WDR25: variants seen among roughly 807,000 people sequenced by gnomAD.
WDR25 encodes the protein WD repeat domain 25.
In WDR25, 35 loss-of-function variants were observed where a neutral mutation model predicts 47.7. The observed-to-expected ratio is 0.73, with a 90% CI of 0.56 to 0.97. The LOEUF (loss-of-function observed/expected upper bound fraction) is 0.97, where lower values mean the gene tolerates loss of function less well. Ranked by LOEUF, WDR25 falls within the 50% of genes least tolerant of loss-of-function variation. The pLI is 0.00. For synonymous variants in WDR25, 248 were observed against 278.9 expected (o/e 0.89, Z 1.10); for missense variants, 634 against 704.7 (o/e 0.90, Z 1.14).
rs1900850292 is a variant in WDR25, at chr14:100,499,664, G to A, written c.1101+15540G>A. 6.6e-6 allele frequency among the ~76,000 whole-genome samples: 1 copy of A among 152,098 alleles called. No homozygotes were observed. The highest frequency in any genetic ancestry group is 2.1e-4 in the South Asian group (1 of 4,830). ...GGCTGAGGGAGCAGGGTGGGTATAG[G>A]GAAGAAAGCCACCTCCTTCTTGAGA... is the stretch of plus-strand genomic sequence containing the variant. On this transcript the variant is annotated intron_variant, in intron 4 of 6. Transcript: ENST00000402312. This position sits in a 1 kb window ranked among gnomAD's most constrained non-coding sequence, Gnocchi z 4.4.
intron 2 of WDR25, among the ~76,000 whole-genome samples, chr14:100,416,199 T>C (rs185601849): frequency 1.2e-4 from 18 of 152,348 alleles, no homozygotes; most frequent in Admixed American, 1.1e-3. Context: ...GTTTGGTTTC[T>C]CCCTGTGAAG....
In WDR25 at chr14:100,507,224, G is replaced by C. The variant is rs985458260; in HGVS notation, c.1102-18646G>C. ...AAGATCAGATGGCTGCAGGTGTGCAGCTTTATTCTGGGTTCTCTATTCTGT... is the reference window on the plus strand; with the variant it reads ...AAGATCAGATGGCTGCAGGTGTGCACCTTTATTCTGGGTTCTCTATTCTGT... On this transcript the variant is annotated intron_variant, in intron 4 of 6. Transcript: ENST00000402312. 1.4e-4 allele frequency among the ~76,000 whole-genome samples: 21 copies of C among 152,268 alleles called. 1 individual carries two copies. The highest frequency in any genetic ancestry group is 5.1e-4 in the African/African-American group (21 of 41,564).
chr14:100,423,266 C>G (rs1898076649), intron 2 of WDR25, among the ~76,000 whole-genome samples: 1 of 152,148 alleles, frequency 6.6e-6, no homozygotes, highest in African/African-American at 2.4e-5. Flanking sequence ...CCAGCCTGAT[C>G]TCCCCTGTTA....
rs532973179 is a variant in WDR25, at chr14:100,425,284, G to A, written c.823-42737G>A. 6.6e-6 allele frequency among the ~76,000 whole-genome samples: 1 copy of A among 152,290 alleles called. No individual in the cohort carries two copies. Among genetic ancestry groups the A allele is most frequent in the East Asian group, 1.9e-4 (1 of 5,182 alleles). On this transcript the variant is annotated intron_variant, in intron 2 of 6. Transcript: ENST00000402312. The surrounding 1 kb of genome is among the most constrained non-coding windows in gnomAD (Gnocchi z 4.8). ...ATGTGCACATCCTGTCACCCCATGG[G>A]CCTAAGCTGTAACGGGGCAGGGCTG...
chr14:100,380,860 A>T, intron 1 of WDR25, 50 bp from the exon 2 acceptor site: 1 of 1,496,920 alleles, frequency 6.7e-7, no homozygotes, highest in Non-Finnish European at 9.1e-7. Flanking sequence ...ATAACTACAT[A>T]CATATTCTTC....
chr14:100,414,606 C>G (rs1005740117), intron 2 of WDR25, among the ~76,000 whole-genome samples: 1 of 152,142 alleles, frequency 6.6e-6, no homozygotes, highest in Non-Finnish European at 1.5e-5. Flanking sequence ...AGCCACCGCA[C>G]CCGGCCGCCT....
chr14:100,395,422 A>G (rs1027722835), intron 2 of WDR25, among the ~76,000 whole-genome samples: 1 of 152,228 alleles, frequency 6.6e-6, no homozygotes, highest in African/African-American at 2.4e-5. Flanking sequence ...CCATAATGCA[A>G]GCTGGCAGCA....
At chr14:100,456,931 G>T (rs371884839) in intron 2 of WDR25, among the ~76,000 whole-genome samples, 1 of 152,156 alleles carries the variant, frequency 6.6e-6, no homozygotes, top group Admixed American at 6.5e-5. Context: ...AGTTCACCAA[G>T]GTATATTATA....
chr14:100,523,868 T>C lies in WDR25; in HGVS notation c.1102-2002T>C, dbSNP rs2029981642. On this transcript the variant is annotated intron_variant, in intron 4 of 6. Transcript: ENST00000402312. This position sits in a 1 kb window ranked among gnomAD's most constrained non-coding sequence, Gnocchi z 4.7. ...GTTAGGCTCGGGTAGCAGCGTCCCATGCCAGCTGTTGGTGTAATTAAGGTT... is the reference window on the plus strand; with the variant it reads ...GTTAGGCTCGGGTAGCAGCGTCCCACGCCAGCTGTTGGTGTAATTAAGGTT... Among the ~76,000 whole-genome samples the C allele has an allele frequency of 6.6e-6, 1 of 152,158 alleles. No individual in the cohort carries two copies. The highest frequency in any genetic ancestry group is 6.5e-5 in the Admixed American group (1 of 15,284).
At position 100,468,230 on chromosome 14, in the gene WDR25, C is replaced by T. The variant is rs1015874036; in HGVS notation, c.970+62C>T. Reference sequence around the variant, plus strand: ...CAGCTCTCTCCCTGGGGAAGGTTCTCTGGTGGGCACGCAGCCACAAGCTGT... The same window carrying T: ...CAGCTCTCTCCCTGGGGAAGGTTCTTTGGTGGGCACGCAGCCACAAGCTGT... On this transcript the variant is annotated intron_variant, in intron 3 of 6. Coordinates refer to ENST00000402312, the MANE Select transcript of WDR25 (RefSeq NM_001161476.3). The surrounding 1 kb of genome is among the most constrained non-coding windows in gnomAD (Gnocchi z 4.5). 1.9e-5 allele frequency: 30 copies of T among 1,566,522 alleles called. No homozygotes were observed. The highest frequency in any genetic ancestry group is 2.4e-5 in the Non-Finnish European group (28 of 1,157,580).
Position 100,397,796 on chromosome 14 carries a change from G to A in WDR25, c.822+16050G>A, listed in dbSNP as rs145213065. ...AACTGCAAGGTAGCTGGACGAGGCT[G>A]GGCATTGGATGCATAAGGCATGAGG... On this transcript the variant is annotated intron_variant, in intron 2 of 6. Coordinates refer to ENST00000402312, the MANE Select transcript of WDR25 (RefSeq NM_001161476.3). Among the ~76,000 whole-genome samples, 45 of 152,338 alleles carry A rather than the reference G, an allele frequency of 3.0e-4. 1 individual carries two copies. The East Asian group carries it at 7.1e-3, about 24-fold the overall frequency.
chr14:100,455,217 C>A (rs1899161749), intron 2 of WDR25: 1 of 151,990 alleles, frequency 6.6e-6, no homozygotes, highest in African/African-American at 2.4e-5. Flanking sequence ...ATAGAAGCTA[C>A]AAGAAAAACA....
intron 2 of WDR25, among the ~76,000 whole-genome samples, chr14:100,426,911 T>G (rs1266299967): frequency 6.6e-6 from 1 of 152,194 alleles, no homozygotes; most frequent in African/African-American, 2.4e-5. Context: ...CAGTGTCTAT[T>G]ACTTGTGTGG....
At position 100,529,387 on chromosome 14, in the gene WDR25, G is replaced by A; in HGVS notation, c.1413+179G>A. On this transcript the variant is annotated intron_variant, in intron 6 of 6. Coordinates refer to ENST00000402312, the MANE Select transcript of WDR25 (RefSeq NM_001161476.3). The surrounding 1 kb of genome is among the most constrained non-coding windows in gnomAD (Gnocchi z 5.1). ...TCTTCAAGTCCCTGAACCACATCTG[G>A]TCCTCACCCCAGGCCCCACGTACTG... is the stretch of plus-strand genomic sequence containing the variant. 1 of 944,464 alleles carries A rather than the reference G, an allele frequency of 1.1e-6. No homozygotes were observed. The allele number at this position is 944,464 out of a possible 1,614,324, so 58.5% of individuals were successfully genotyped here. A position where few individuals can be genotyped will look rare whatever the true frequency, so the allele number is the denominator to read the frequency against.
intron 2 of WDR25, among the ~76,000 whole-genome samples, chr14:100,401,660 TC>T (rs1280100861): frequency 6.6e-6 from 1 of 152,228 alleles, no homozygotes; most frequent in African/African-American, 2.4e-5. Flanking sequence ...TTTTTGGGCT[TC>T]TTTTTACTTT....
chr14:100,444,165 A>G (rs1010867258), intron 2 of WDR25, among the ~76,000 whole-genome samples: 3 of 152,210 alleles, frequency 2.0e-5, no homozygotes, highest in Non-Finnish European at 4.4e-5. Context: ...GAGAAGGACT[A>G]AGTTGTGTCT....
At chr14:100,395,879 G>A (rs928215756) in intron 2 of WDR25, among the ~76,000 whole-genome samples, 5 of 152,070 alleles carry the variant, frequency 3.3e-5, no homozygotes, top group Non-Finnish European at 7.4e-5. Flanking sequence ...GTGGGGATTC[G>A]GGATTGGTTA....
intron 2 of WDR25, among the ~76,000 whole-genome samples, chr14:100,386,927 A>T (rs1897033245): frequency 6.6e-6 from 1 of 151,970 alleles, no homozygotes; most frequent in South Asian, 2.1e-4. Context: ...TTTGATTTAC[A>T]CCCAGGCATT....
At chr14:100,478,664 T>A (rs191309239) in intron 3 of WDR25, among the ~76,000 whole-genome samples, 48 of 152,336 alleles carry the variant, frequency 3.2e-4, no homozygotes, top group African/African-American at 1.1e-3. Flanking sequence ...TAAATGGAAA[T>A]ACTTAAAAGA....
Sources: allele counts gnomAD v4.1 joint callset (sites outside exome capture counted in the v4.1 genomes callset), GRCh38; gene constraint gnomAD v4.1.1; non-coding constraint Gnocchi (gnomAD v3.1); transcripts MANE v1.5; gene names NCBI Gene and HGNC (gene_info 2026-07-23, HGNC 2026-07-21).